PIGU: variants seen among roughly 807,000 people sequenced by gnomAD.
PIGU encodes the protein phosphatidylinositol glycan anchor biosynthesis class U, also known as GPI-anchor transamidase component PIGU.
A neutral mutation model predicts 49.9 loss-of-function variants in PIGU; 24 were observed. The ratio of observed to expected loss-of-function variants is 0.48; its 90% CI spans 0.35 to 0.68. The LOEUF is 0.68. PIGU is among the 30% of genes least tolerant of loss of function. The probability of loss-of-function intolerance (pLI) is 0.01; values close to 1 mark genes in which losing one functional copy is unlikely to be tolerated. For synonymous variants in PIGU, 220 were observed against 205.7 expected, an observed-to-expected ratio of 1.07 and a Z score of -0.59; for missense variants, 490 against 532.6, an observed-to-expected ratio of 0.92 and a Z score of 0.79.
At chr20:34,613,767 C>T (rs540252324) in intron 7 of PIGU, among the ~76,000 whole-genome samples, 14 of 152,274 alleles carry the variant, frequency 9.2e-5, no homozygotes, top group African/African-American at 3.4e-4. Context: ...AAAATCAAAG[C>T]AAAATAACTT....
At chr20:34,615,610 T>G (rs967159197) in intron 7 of PIGU, among the ~76,000 whole-genome samples, 1 of 152,170 alleles carries the variant, frequency 6.6e-6, no homozygotes, top group Non-Finnish European at 1.5e-5. Flanking sequence ...AAACAATTCA[T>G]AAGTTTTAAA....
At chr20:34,637,259 GGT>G (rs1985997154) in intron 5 of PIGU, among the ~76,000 whole-genome samples, 1 of 152,046 alleles carries the variant, frequency 6.6e-6, no homozygotes. Context: ...CCTAGAAACT[GGT>G]ATATTATTAA....
chr20:34,595,095 C>CAA lies in PIGU; in HGVS notation c.628-6490_628-6489dup, dbSNP rs71194627. Among the ~76,000 whole-genome samples the CAA allele has an allele frequency of 9.3e-3, 663 of 70,998 alleles. 11 individuals are homozygous for CAA. Among genetic ancestry groups the CAA allele is most frequent in the Middle Eastern group, 0.015 (1 of 66 alleles). 46.6% of individuals were successfully genotyped at this position (70,998 alleles called of 152,430 possible). A position where few individuals can be genotyped will look rare whatever the true frequency, so the allele number is the denominator to read the frequency against. On this transcript the variant is annotated intron_variant, in intron 7 of 11. Coordinates refer to ENST00000217446, the MANE Select transcript of PIGU (RefSeq NM_080476.5). Reference sequence around the variant, plus strand: ...TGGGAAACAGAGCAAGACTCCGTCTCAAAAAAAAAAAAAAAAAAAAAAAGA... The same window carrying CAA: ...TGGGAAACAGAGCAAGACTCCGTCTCAAAAAAAAAAAAAAAAAAAAAAAAAGA...
chr20:34,593,416 G>C (rs569922914), intron 7 of PIGU, among the ~76,000 whole-genome samples: 1 of 150,702 alleles, frequency 6.6e-6, no homozygotes, highest in South Asian at 2.1e-4. Flanking sequence ...TGCAAGAATA[G>C]CTAAGAAAAC....
intron 7 of PIGU, among the ~76,000 whole-genome samples, chr20:34,594,592 G>T (rs1053522773): frequency 6.6e-6 from 1 of 152,196 alleles, no homozygotes; most frequent in Non-Finnish European, 1.5e-5. Flanking sequence ...TGACCAACAT[G>T]GTGAAACCCC....
chr20:34,660,325 C>T (rs1986893397), intron 1 of PIGU, among the ~76,000 whole-genome samples: 1 of 152,174 alleles, frequency 6.6e-6, no homozygotes, highest in Admixed American at 6.6e-5. Context: ...TGGTTCATGC[C>T]TGTAATCCCA....
intron 9 of PIGU, among the ~76,000 whole-genome samples, chr20:34,583,535 A>G (rs1444689822): frequency 6.6e-6 from 1 of 152,226 alleles, no homozygotes; most frequent in Admixed American, 6.5e-5. Context: ...GGCCTGGCTT[A>G]GGTCATAAAA....
intron 7 of PIGU, among the ~76,000 whole-genome samples, chr20:34,602,618 A>T (rs1172260159): frequency 6.6e-6 from 1 of 152,122 alleles, no homozygotes; most frequent in Non-Finnish European, 1.5e-5. Context: ...AAAAAAATAA[A>T]ATGTATGTAT....
chr20:34,668,461 C>CAA (rs1209882512), intron 1 of PIGU, among the ~76,000 whole-genome samples: 57 of 21,082 alleles, frequency 2.7e-3, no homozygotes, highest in Non-Finnish European at 3.0e-3. Flanking sequence ...GACTCCGTCT[C>CAA]AAAAAAAAAA....
At chr20:34,675,179 C>T (rs1484952336) in intron 1 of PIGU, among the ~76,000 whole-genome samples, 1 of 134,096 alleles carries the variant, frequency 7.5e-6, no homozygotes, top group South Asian at 2.5e-4. Context: ...ACCCAGGGGG[C>T]GGAGGTTATG....
In PIGU at chr20:34,634,689, A is replaced by G; in HGVS notation, c.455T>C (p.Leu152Ser). ...ACAGGTAGACTTGGCAACACAAGACAAAATCGTGTAAGGATTTAAGAGATA... is the reference window on the plus strand; with the variant it reads ...ACAGGTAGACTTGGCAACACAAGACGAAATCGTGTAAGGATTTAAGAGATA... ...LFYLLNPYTI[L>S]SCVAKSTCAI... The change falls in exon 6 of 12, where the codon TTG (leucine) becomes TCG (serine). Residue 152 changes from leucine (L) to serine (S), a missense_variant. Physicochemically the swap from Leu to Ser is moderately radical, Grantham distance 145. Coordinates refer to ENST00000217446, the MANE Select transcript of PIGU (RefSeq NM_080476.5). 3 of 1,612,712 alleles carry G rather than the reference A, an allele frequency of 1.9e-6. No individual in the cohort carries two copies. The highest frequency in any genetic ancestry group is 2.5e-6 in the Non-Finnish European group (3 of 1,178,968).
intron 6 of PIGU, among the ~76,000 whole-genome samples, chr20:34,624,873 G>T (rs948746577): frequency 6.6e-6 from 1 of 152,078 alleles, no homozygotes; most frequent in Non-Finnish European, 1.5e-5. Flanking sequence ...AGGCAACCCT[G>T]GGCTGCCACA....
chr20:34,645,266 G>A lies in PIGU; in HGVS notation c.255+9C>T. 1.3e-6 allele frequency: 2 copies of A among 1,560,910 alleles called. No individual in the cohort carries two copies. The highest frequency in any genetic ancestry group is 1.7e-6 in the Non-Finnish European group (2 of 1,161,372). On this transcript the variant is annotated intron_variant, in intron 3 of 11. Transcript: ENST00000217446. ...TATACATATCAATTTTATATGGAAG[G>A]TTACTTACCATAAACACCAATTCAG...
intron 6 of PIGU, among the ~76,000 whole-genome samples, chr20:34,620,834 CA>C (rs1395046729): frequency 7.2e-6 from 1 of 139,488 alleles, no homozygotes; most frequent in Non-Finnish European, 1.6e-5. Context: ...AAAAAAAAAA[CA>C]AAAAAAACAG....
chr20:34,650,905 C>A lies in PIGU; in HGVS notation c.196-5571G>T, dbSNP rs574374026. Among the ~76,000 whole-genome samples the A allele has an allele frequency of 1.3e-4, 20 of 150,764 alleles. No homozygotes were observed. In the East Asian group the frequency reaches 3.5e-3, roughly 27 times the overall value. On this transcript the variant is annotated intron_variant, in intron 2 of 11. Coordinates refer to ENST00000217446, the MANE Select transcript of PIGU (RefSeq NM_080476.5). The stretch of plus-strand genomic sequence containing the variant: ...ATTTTTGTATTTTTAGTAGAGACAG[C>A]GTTTCACTATGTTGCTTAGGTTGGT...
intron 1 of PIGU, among the ~76,000 whole-genome samples, chr20:34,661,307 A>G (rs6059970): frequency 0.017 from 2,659 of 152,200 alleles, 90 homozygotes; most frequent in African/African-American, 0.059. Flanking sequence ...TAATCTCATC[A>G]CCCAGGTAAT....
At chr20:34,569,322 C>T (rs1214297559) in intron 11 of PIGU, among the ~76,000 whole-genome samples, 2 of 152,068 alleles carry the variant, frequency 1.3e-5, no homozygotes, top group Non-Finnish European at 2.9e-5. Flanking sequence ...CTTCGCCTAC[C>T]GGGCTTAAGC....
At chr20:34,665,192 ATTTT>A (rs1171497892) in intron 1 of PIGU, among the ~76,000 whole-genome samples, 7 of 59,624 alleles carry the variant, frequency 1.2e-4, no homozygotes, top group Non-Finnish European at 1.8e-4. Flanking sequence ...TGTATGGCCA[ATTTT>A]TTTTTTTTTT....
intron 2 of PIGU, among the ~76,000 whole-genome samples, chr20:34,653,804 G>A (rs1167149148): frequency 3.3e-4 from 50 of 152,104 alleles, no homozygotes; most frequent in Admixed American, 3.3e-3. Context: ...TGTGACATGA[G>A]CCAGGAAAAG....
Sources: allele counts gnomAD v4.1 joint callset (sites outside exome capture counted in the v4.1 genomes callset), GRCh38; gene constraint gnomAD v4.1.1; transcripts MANE v1.5; gene names NCBI Gene and HGNC (gene_info 2026-07-23, HGNC 2026-07-21).